CSMD1: variants seen among roughly 807,000 people sequenced by gnomAD.
CSMD1 encodes the protein CUB and sushi domain-containing protein 1.
Under a neutral mutation model 417.5 loss-of-function variants are expected in CSMD1, and 213 were observed. That is an observed-to-expected ratio of 0.51 (90% confidence interval 0.46 to 0.57). The LOEUF (loss-of-function observed/expected upper bound fraction) is 0.57. Ranked by LOEUF, CSMD1 falls within the 20% of genes least tolerant of loss-of-function variation. CSMD1 has a pLI of 0.00. For missense variants in CSMD1, 6,923 were observed against 4,529.7 expected (o/e 1.53, Z -15.17); for synonymous variants, 2,862 against 1,736.8 (o/e 1.65, Z -16.11).
At chr8:4,378,011 C>G (rs77585640) in intron 3 of CSMD1, among the ~76,000 whole-genome samples, 1,659 of 152,174 alleles carry the variant, frequency 0.011, 27 homozygotes, top group African/African-American at 0.038. Context: ...TTTGTAATTC[C>G]TTTATTTGTA....
At chr8:3,550,430 C>G (rs935376139) in intron 10 of CSMD1, among the ~76,000 whole-genome samples, 3 of 152,180 alleles carry the variant, frequency 2.0e-5, no homozygotes, top group African/African-American at 7.2e-5. Context: ...AGACAGCCCT[C>G]AATATAATCT....
At chr8:4,003,192 G>C (rs1273695127) in intron 4 of CSMD1, among the ~76,000 whole-genome samples, 5 of 152,210 alleles carry the variant, frequency 3.3e-5, no homozygotes, top group South Asian at 2.1e-4. Context: ...AGGAGATCGA[G>C]ACCATCCTGG....
chr8:3,396,631 G>T (rs759128858), intron 16 of CSMD1, among the ~76,000 whole-genome samples: 5 of 151,998 alleles, frequency 3.3e-5, no homozygotes, highest in Admixed American at 6.6e-5. Context: ...ACAAGAGGAG[G>T]CCTTTATTCA....
rs901271990 is a variant in CSMD1 at position 4,098,924 on chromosome 8, G to C, written c.416-66825C>G. Among the ~76,000 whole-genome samples the C allele has an allele frequency of 1.8e-4, 27 of 152,032 alleles. 1 individual carries two copies. The highest frequency in any genetic ancestry group is 2.9e-5 in the Non-Finnish European group (2 of 68,000). ...GGGTTAGAACCAGTATTAGAGACTGGGGTACAACACAGAAAAAATGTTAAA... is the reference window on the plus strand; with the variant it reads ...GGGTTAGAACCAGTATTAGAGACTGCGGTACAACACAGAAAAAATGTTAAA... On this transcript the variant is annotated intron_variant, in intron 3 of 69. Transcript: ENST00000635120.
intron 1 of CSMD1, among the ~76,000 whole-genome samples, chr8:4,827,315 C>T (rs1295584566): frequency 6.6e-6 from 1 of 152,136 alleles, no homozygotes; most frequent in Non-Finnish European, 1.5e-5. Flanking sequence ...GAATGGTTTT[C>T]ATTTTATCTT....
intron 3 of CSMD1, among the ~76,000 whole-genome samples, chr8:4,253,555 G>T (rs959153809): frequency 3.3e-5 from 5 of 152,258 alleles, no homozygotes; most frequent in Admixed American, 2.0e-4. Flanking sequence ...TAATCTTGGA[G>T]AACATTTGAT....
intron 3 of CSMD1, among the ~76,000 whole-genome samples, chr8:4,408,991 C>A (rs910338715): frequency 5.3e-5 from 8 of 152,160 alleles, no homozygotes; most frequent in Non-Finnish European, 1.0e-4. Context: ...TCTTTGCCGA[C>A]TGATTTAAGA....
chr8:4,337,531 A>C (rs1800239297), intron 3 of CSMD1, among the ~76,000 whole-genome samples: 1 of 152,140 alleles, frequency 6.6e-6, no homozygotes, highest in African/African-American at 2.4e-5. Context: ...TCGTAACATT[A>C]TTTTTAAAAA....
chr8:4,199,492 T>C (rs1437615228), intron 3 of CSMD1, among the ~76,000 whole-genome samples: 3 of 152,164 alleles, frequency 2.0e-5, no homozygotes, highest in Non-Finnish European at 2.9e-5. Context: ...AATAGGAATA[T>C]GGTGTAAAAT....
chr8:4,664,645 G>A (rs1002493561), intron 1 of CSMD1, among the ~76,000 whole-genome samples: 2 of 152,038 alleles, frequency 1.3e-5, no homozygotes, highest in African/African-American at 2.4e-5. Context: ...AGATTGTCAC[G>A]TCAAATTCAC....
chr8:3,669,909 T>A, intron 7 of CSMD1, among the ~76,000 whole-genome samples: 1 of 152,122 alleles, frequency 6.6e-6, no homozygotes, highest in Non-Finnish European at 1.5e-5. Flanking sequence ...TCTTAACATT[T>A]GAGGAAATGA....
intron 3 of CSMD1, among the ~76,000 whole-genome samples, chr8:4,356,278 T>A (rs1356398469): frequency 6.6e-6 from 1 of 152,142 alleles, no homozygotes; most frequent in Non-Finnish European, 1.5e-5. Flanking sequence ...CTGCAAATGC[T>A]GTTCATTCAT....
rs187460860 is a variant in CSMD1 at position 3,208,468 on chromosome 8, T to A, written c.4868-2848A>T. ...TTTTAGTAGAGATGGGATTTCACCA[T>A]GTTGGCTAGGATGGTCTGGATCTGT... On this transcript the variant is annotated intron_variant, in intron 30 of 69. Transcript: ENST00000635120. 4.7e-4 allele frequency among the ~76,000 whole-genome samples: 71 copies of A among 152,296 alleles called. 1 individual carries two copies. Among genetic ancestry groups the A allele is most frequent in the African/African-American group, 1.6e-3 (65 of 41,570 alleles).
chr8:4,408,599 A>C (rs1796470335), intron 3 of CSMD1, among the ~76,000 whole-genome samples: 2 of 152,238 alleles, frequency 1.3e-5, no homozygotes, highest in South Asian at 4.1e-4. Context: ...GGAAGCAATT[A>C]AGAAATGTCT....
At chr8:4,046,532 T>C (rs1253488912) in intron 3 of CSMD1, among the ~76,000 whole-genome samples, 1 of 152,212 alleles carries the variant, frequency 6.6e-6, no homozygotes, top group African/African-American at 2.4e-5. Context: ...ACACGTCATG[T>C]ATTCAACTCT....
intron 23 of CSMD1, among the ~76,000 whole-genome samples, chr8:3,309,031 C>T (rs1427486544): frequency 6.6e-6 from 1 of 152,056 alleles, no homozygotes; most frequent in Non-Finnish European, 1.5e-5. Context: ...GCCCCTCAAG[C>T]TCTTGTTTTC....
At chr8:3,702,074 G>A (rs566899172) in intron 7 of CSMD1, 2 of 152,202 alleles carry the variant, frequency 1.3e-5, no homozygotes, top group South Asian at 4.2e-4. Context: ...AGAATTCCAG[G>A]GGCATTTATT....
chr8:4,643,886 C>G (rs937778681), intron 1 of CSMD1, among the ~76,000 whole-genome samples: 2 of 152,142 alleles, frequency 1.3e-5, no homozygotes, highest in South Asian at 2.1e-4. Flanking sequence ...GCAGGAACAC[C>G]ATGCCCTGTA....
At chr8:3,385,117 T>TATAATATATAAATATATAATAC (rs1473200570) in intron 18 of CSMD1, among the ~76,000 whole-genome samples, 3 of 89,470 alleles carry the variant, frequency 3.4e-5, no homozygotes, top group South Asian at 5.8e-4. Flanking sequence ...TAAAAATATA[T>TATAATATATAAATATATAATAC]ATAATATATA....
Sources: gnomAD v4.1 joint callset for allele counts (sites outside exome capture counted in the v4.1 genomes callset) on GRCh38, gnomAD v4.1.1 for gene constraint, MANE v1.5 for transcripts, NCBI Gene and HGNC (gene_info 2026-07-23, HGNC 2026-07-21) for gene names.